FAM13B: variants seen among roughly 807,000 people sequenced by gnomAD.
FAM13B encodes protein FAM13B.
A neutral mutation model predicts 117.3 loss-of-function variants in FAM13B; 60 were observed. The ratio of observed to expected loss-of-function variants is 0.51; its 90% CI spans 0.42 to 0.63. The LOEUF (loss-of-function observed/expected upper bound fraction) is 0.63, where lower values mean the gene tolerates loss of function less well. Ranked by LOEUF, FAM13B falls within the 30% of genes least tolerant of loss-of-function variation. The probability of loss-of-function intolerance (pLI) is 0.00; values close to 1 mark genes in which losing one functional copy is unlikely to be tolerated. For synonymous variants in FAM13B, 332 were observed against 356.1 expected (o/e 0.93, Z 0.76); for missense variants, 972 against 1,091.9 (o/e 0.89, Z 1.55).
At chr5:137,989,055 G>T (rs1777957270) in intron 7 of FAM13B, among the ~76,000 whole-genome samples, 1 of 152,178 alleles carries the variant, frequency 6.6e-6, no homozygotes, top group African/African-American at 2.4e-5. Flanking sequence ...AAAAGATAAG[G>T]TATGTTTAAA....
chr5:138,021,223 A>G, intron 1 of FAM13B, 26 bp from the exon 2 acceptor site: 3 of 1,229,174 alleles, frequency 2.4e-6, no homozygotes, highest in Non-Finnish European at 3.0e-6. Flanking sequence ...AATTATTTCA[A>G]TTTCCCACAT....
chr5:137,942,396 ACT>A, intron 22 of FAM13B: 1 of 239,716 alleles, frequency 4.2e-6, no homozygotes, highest in Non-Finnish European at 8.1e-6. Flanking sequence ...ACAGAGTCTC[ACT>A]CTGTCGCCCA....
chr5:138,010,859 C>T, intron 6 of FAM13B, 149 bp downstream of exon 6: 1 of 766,430 alleles, frequency 1.3e-6, no homozygotes, highest in Non-Finnish European at 1.9e-6. Context: ...CATGAATGTG[C>T]CACCTACTGA....
At chr5:138,044,082 CT>C (rs1323493759) in intron 1 of FAM13B, among the ~76,000 whole-genome samples, 1 of 151,740 alleles carries the variant, frequency 6.6e-6, no homozygotes, top group Admixed American at 6.6e-5. Flanking sequence ...TCACACCTAG[CT>C]TTTTTTATGT....
At chr5:137,960,263 T>A (rs1392245215) in intron 11 of FAM13B, 49 bp from the exon 12 acceptor site, 2 of 1,064,510 alleles carry the variant, frequency 1.9e-6, no homozygotes. Context: ...AAAAGGCTAC[T>A]ATCATTATAT....
intron 6 of FAM13B, among the ~76,000 whole-genome samples, chr5:138,010,091 C>T (rs1447662680): frequency 6.6e-6 from 1 of 152,096 alleles, no homozygotes; most frequent in Non-Finnish European, 1.5e-5. Context: ...AGCAATTCTC[C>T]TGCCTCAGCC....
At chr5:137,956,765 GA>G (rs1167777081) in intron 13 of FAM13B, among the ~76,000 whole-genome samples, 12 of 149,770 alleles carry the variant, frequency 8.0e-5, no homozygotes, top group African/African-American at 1.7e-4. Flanking sequence ...AAAGGGGGGG[GA>G]AAACTCAAAG....
At chr5:138,051,190 C>T (rs1791790155) in intron 1 of FAM13B, among the ~76,000 whole-genome samples, 1 of 152,096 alleles carries the variant, frequency 6.6e-6, no homozygotes, top group African/African-American at 2.4e-5. Context: ...TAGTATAATA[C>T]TCTAATATGC....
Position 138,017,979 on chromosome 5 carries a change from C to T in FAM13B, c.370+323G>A, listed in dbSNP as rs139932947. ...CCTTTGGCTACTATTGGACATTGTGCCACCACACACATTACCTTACATAAA... is the reference window on the plus strand; with the variant it reads ...CCTTTGGCTACTATTGGACATTGTGTCACCACACACATTACCTTACATAAA... On this transcript the variant is annotated intron_variant, in intron 4 of 23. Transcript: ENST00000689681. Among the ~76,000 whole-genome samples, 188 of 152,266 alleles carry T rather than the reference C, an allele frequency of 1.2e-3. 4 individuals are homozygous for T. Among genetic ancestry groups the T allele is most frequent in the Middle Eastern group, 0.01 (3 of 294 alleles).
intron 16 of FAM13B, 91 bp downstream of exon 16, chr5:137,953,245 C>A: frequency 7.1e-7 from 1 of 1,401,318 alleles, no homozygotes; most frequent in Non-Finnish European, 9.8e-7. Context: ...TGTTACCTTT[C>A]TCACACAGAT....
At position 137,939,877 on chromosome 5, in the gene FAM13B, T is replaced by C. The variant is rs567853011; in HGVS notation, c.*348A>G. 7 of 1,332,652 alleles carry C rather than the reference T, an allele frequency of 5.3e-6. No homozygotes were observed. The highest frequency in any genetic ancestry group is 5.7e-5 in the East Asian group (2 of 35,072). The allele number at this position is 1,332,652 out of a possible 1,614,324, so 82.6% of individuals were successfully genotyped here. The stretch of plus-strand genomic sequence containing the variant: ...TTCTTCAGTAATGAGAAACAAAAAG[T>C]TGGTAATAACAAAAAGCTTGCATTT... On this transcript the variant is annotated 3_prime_UTR_variant, in exon 24 of 24. Transcript: ENST00000689681.
chr5:137,938,918 G>T lies in FAM13B; in HGVS notation c.*1307C>A, dbSNP rs919148130. ...GTGAGACAGTCATCAATCCAAAAAA[G>T]CACCAGAAAAAAAAGTTAACACTTA... On this transcript the variant is annotated 3_prime_UTR_variant, in exon 24 of 24. Coordinates refer to ENST00000689681, the MANE Select transcript of FAM13B (RefSeq NM_001385994.1). The T allele has an allele frequency of 1.3e-5, 2 of 151,952 alleles. No homozygotes were observed. The highest frequency in any genetic ancestry group is 4.8e-5 in the African/African-American group (2 of 41,348). 9.4% of individuals were successfully genotyped at this position (151,952 alleles called of 1,614,324 possible).
intron 10 of FAM13B, among the ~76,000 whole-genome samples, chr5:137,965,178 T>TA (rs1472828330): frequency 6.6e-6 from 1 of 151,804 alleles, no homozygotes; most frequent in African/African-American, 2.4e-5. Flanking sequence ...CAAAAAAATA[T>TA]AAAATATATA....
In FAM13B at chr5:138,010,957, TAAAA is replaced by T. The variant is rs35163730; in HGVS notation, c.690+47_690+50del. The stretch of plus-strand genomic sequence containing the variant: ...CAAGTCTTTAAGAGCATATTATTCT[TAAAA>T]AAAAAAAAAAAAAAAAAAATTATCC... On this transcript the variant is annotated intron_variant, in intron 6 of 23. Transcript: ENST00000689681. The T allele has an allele frequency of 1.1e-4, 114 of 1,079,034 alleles. No individual in the cohort carries two copies. In the East Asian group the frequency reaches 1.3e-3, roughly 13 times the overall value. The allele number at this position is 1,079,034 out of a possible 1,614,324, so 66.8% of individuals were successfully genotyped here.
At chr5:137,958,668 CA>C (rs1218271969) in intron 13 of FAM13B, among the ~76,000 whole-genome samples, 4 of 152,134 alleles carry the variant, frequency 2.6e-5, no homozygotes, top group Non-Finnish European at 4.4e-5. Context: ...GTCTCTTTAC[CA>C]AAGTGTATGA....
chr5:138,021,320 G>C, intron 1 of FAM13B, 123 bp from the exon 2 acceptor site: 4 of 789,882 alleles, frequency 5.1e-6, no homozygotes, highest in Non-Finnish European at 6.8e-6. Context: ...TCTTCTGTCT[G>C]AAAAATCTAT....
intron 8 of FAM13B, 70 bp from the exon 9 acceptor site, chr5:137,987,686 C>A: frequency 2.1e-6 from 3 of 1,456,964 alleles, no homozygotes; most frequent in Non-Finnish European, 2.8e-6. Context: ...GACATAAATG[C>A]TAAAACCTAT....
In FAM13B at chr5:137,939,179, T is replaced by C. The variant is rs114637319; in HGVS notation, c.*1046A>G. The C allele has an allele frequency of 0.017, 2,544 of 152,318 alleles. 38 individuals are homozygous for C. Among genetic ancestry groups the C allele is most frequent in the Non-Finnish European group, 0.028 (1,905 of 67,992 alleles). The allele number at this position is 152,318 out of a possible 1,614,324, so 9.4% of individuals were successfully genotyped here. ...CAAAGGGTGGTCCCTTAAGAGGGCG[T>C]TGTTGTCGTTGTTTTGGTATGGATT... is the stretch of plus-strand genomic sequence containing the variant. On this transcript the variant is annotated 3_prime_UTR_variant, in exon 24 of 24. Coordinates refer to ENST00000689681, the MANE Select transcript of FAM13B (RefSeq NM_001385994.1).
intron 10 of FAM13B, among the ~76,000 whole-genome samples, chr5:137,971,429 A>G (rs368000265): frequency 0.038 from 5,772 of 150,600 alleles, 141 homozygotes; most frequent in Middle Eastern, 0.059. Flanking sequence ...CAAAGACACA[A>G]CATACCAGAA....
Sources: allele counts gnomAD v4.1 joint callset (sites outside exome capture counted in the v4.1 genomes callset), GRCh38; gene constraint gnomAD v4.1.1; transcripts MANE v1.5; gene names NCBI Gene and HGNC (gene_info 2026-07-23, HGNC 2026-07-21).